The following DIPK1A variants were observed in gnomAD, a reference collection of about 807,000 sequenced individuals.
The protein encoded by DIPK1A is family with sequence similarity 69 member A.
Under a neutral mutation model 40.8 loss-of-function variants are expected in DIPK1A, and 27 were observed. That is an observed-to-expected ratio of 0.66 (90% CI 0.49 to 0.91). The LOEUF is 0.91. DIPK1A is among the 40% of genes least tolerant of loss of function. The probability of loss-of-function intolerance (pLI) is 0.00; values close to 1 mark genes in which losing one functional copy is unlikely to be tolerated. For synonymous variants in DIPK1A, 166 were observed against 171.3 expected, an observed-to-expected ratio of 0.97 and a Z score of 0.24; for missense variants, 412 against 505.7, an observed-to-expected ratio of 0.81 and a Z score of 1.78.
At chr1:92,904,719 A>G (rs762236347) in intron 1 of DIPK1A, among the ~76,000 whole-genome samples, 1 of 152,070 alleles carries the variant, frequency 6.6e-6, no homozygotes, top group African/African-American at 2.4e-5. Flanking sequence ...ACTGTTGACT[A>G]TAATTACTGT....
intron 1 of DIPK1A, among the ~76,000 whole-genome samples, chr1:92,917,620 G>A (rs894829675): frequency 2.0e-5 from 3 of 152,194 alleles, no homozygotes; most frequent in African/African-American, 7.2e-5. Context: ...CTCCTCCTAA[G>A]TTTGAATTTA....
At chr1:92,937,263 C>A (rs1650981166) in intron 1 of DIPK1A, among the ~76,000 whole-genome samples, 1 of 151,718 alleles carries the variant, frequency 6.6e-6, no homozygotes, top group Non-Finnish European at 1.5e-5. Context: ...GAGTTTGAGA[C>A]CAGCCTGGCC....
chr1:92,950,380 A>G (rs888150045), intron 1 of DIPK1A, among the ~76,000 whole-genome samples: 5 of 152,188 alleles, frequency 3.3e-5, no homozygotes, highest in South Asian at 2.1e-4. Context: ...GCAAGAAATG[A>G]AGAGCGGTGC....
At chr1:92,900,869 T>C (rs1276960213) in intron 1 of DIPK1A, among the ~76,000 whole-genome samples, 1 of 152,042 alleles carries the variant, frequency 6.6e-6, no homozygotes, top group Non-Finnish European at 1.5e-5. Flanking sequence ...TCAGCTTTCC[T>C]TGCTTTTTCA....
chr1:92,908,382 T>C (rs1181187113), intron 1 of DIPK1A, among the ~76,000 whole-genome samples: 1 of 152,100 alleles, frequency 6.6e-6, no homozygotes, highest in East Asian at 1.9e-4. Context: ...GCATGGAAGA[T>C]CAGATAGGGT....
intron 1 of DIPK1A, among the ~76,000 whole-genome samples, chr1:92,906,415 A>G (rs1290379177): frequency 6.6e-6 from 1 of 152,200 alleles, no homozygotes; most frequent in Non-Finnish European, 1.5e-5. Flanking sequence ...TGAGGCCCCA[A>G]AATGGTTTGG....
chr1:92,933,584 T>C (rs982758286), intron 1 of DIPK1A: 1 of 152,172 alleles, frequency 6.6e-6, no homozygotes, highest in Admixed American at 6.5e-5. Flanking sequence ...ACATCACTGA[T>C]ATCTTGGGCA....
intron 1 of DIPK1A, among the ~76,000 whole-genome samples, chr1:92,892,807 G>A (rs971102308): frequency 1.1e-5 from 1 of 91,218 alleles, no homozygotes; most frequent in African/African-American, 4.5e-5. Context: ...AGTCCTTAAA[G>A]GACCTGATGG....
chr1:92,834,628 A>G (rs1326650394), intron 4 of DIPK1A: 5 of 995,442 alleles, frequency 5.0e-6, no homozygotes, highest in Non-Finnish European at 7.6e-6. Flanking sequence ...AAGCACCTCT[A>G]ATTTACTGGT....
At chr1:92,923,375 T>C (rs1412360761) in intron 1 of DIPK1A, among the ~76,000 whole-genome samples, 1 of 152,076 alleles carries the variant, frequency 6.6e-6, no homozygotes, top group Non-Finnish European at 1.5e-5. Flanking sequence ...CTGACCTTGT[T>C]ACTGCCTGCC....
At chr1:92,921,138 C>T (rs1410827668) in intron 1 of DIPK1A, among the ~76,000 whole-genome samples, 1 of 152,138 alleles carries the variant, frequency 6.6e-6, no homozygotes, top group Admixed American at 6.5e-5. Context: ...AGAAATGCTA[C>T]TTGCTGCTGT....
chr1:92,849,710 C>T (rs990623818), intron 3 of DIPK1A, among the ~76,000 whole-genome samples: 2 of 151,906 alleles, frequency 1.3e-5, no homozygotes, highest in Non-Finnish European at 2.9e-5. Context: ...GAGGGGGTAT[C>T]GCAATGTTGC....
intron 4 of DIPK1A, among the ~76,000 whole-genome samples, chr1:92,835,652 C>T (rs1446778138): frequency 9.8e-6 from 1 of 101,772 alleles, no homozygotes; most frequent in African/African-American, 3.9e-5. Flanking sequence ...AAGAGCGAAA[C>T]TGTGTCTCAA....
intron 1 of DIPK1A, chr1:92,877,014 T>C (rs1239012187): frequency 1.0e-6 from 1 of 985,226 alleles, no homozygotes; most frequent in Non-Finnish European, 1.2e-6. Flanking sequence ...CGAATAGATA[T>C]TCTGGAAACT....
At chr1:92,833,334 A>C in intron 4 of DIPK1A, 1 of 1,390,552 alleles carries the variant, frequency 7.2e-7, no homozygotes, top group Non-Finnish European at 1.0e-6. Flanking sequence ...AATTTATGTC[A>C]AAAGTATCAT....
At chr1:92,869,938 A>G (rs1380863631) in intron 2 of DIPK1A, among the ~76,000 whole-genome samples, 1 of 152,110 alleles carries the variant, frequency 6.6e-6, no homozygotes, top group African/African-American at 2.4e-5. Flanking sequence ...ATGGCCAGGT[A>G]ATTACTTAGG....
intron 1 of DIPK1A, among the ~76,000 whole-genome samples, chr1:92,940,459 G>A (rs1324065878): frequency 1.3e-5 from 2 of 151,986 alleles, no homozygotes; most frequent in Non-Finnish European, 2.9e-5. Context: ...TTTAATTAAG[G>A]GACTTTTGGT....
chr1:92,941,808 T>C (rs760078761), intron 1 of DIPK1A, among the ~76,000 whole-genome samples: 2 of 152,116 alleles, frequency 1.3e-5, no homozygotes, highest in African/African-American at 2.4e-5. Context: ...ATCCACACTC[T>C]ATACTCGAAA....
intron 2 of DIPK1A, among the ~76,000 whole-genome samples, chr1:92,853,793 C>T (rs530321204): frequency 7.2e-5 from 11 of 152,226 alleles, no homozygotes; most frequent in Non-Finnish European, 1.3e-4. Flanking sequence ...TTTCAGCCAA[C>T]AAAGAGATGA....
Sources: allele counts gnomAD v4.1 joint callset (sites outside exome capture counted in the v4.1 genomes callset), GRCh38; gene constraint gnomAD v4.1.1; transcripts MANE v1.5; gene names NCBI Gene and HGNC (gene_info 2026-07-23, HGNC 2026-07-21).